The following TASOR variants were observed in gnomAD, a reference collection of about 807,000 sequenced individuals.
TASOR encodes the protein transcription activation suppressor, also known as protein TASOR.
Under a neutral mutation model 178.6 loss-of-function variants are expected in TASOR, and 53 were observed. That is an observed-to-expected ratio of 0.30 (90% CI 0.24 to 0.37). TASOR has a LOEUF of 0.37. Among genes scored for constraint, TASOR ranks in the 10% least tolerant of loss-of-function variants. The pLI is 1.00. For missense variants in TASOR, 1,815 were observed against 1,971.4 expected (o/e 0.92, Z 1.50); for synonymous variants, 713 against 696.2 (o/e 1.02, Z -0.38).
At chr3:56,669,882 C>T in intron 4 of TASOR, 91 bp from the exon 5 acceptor site, 1 of 1,012,346 alleles carries the variant, frequency 9.9e-7, no homozygotes, top group African/African-American at 1.6e-5. Flanking sequence ...TATCCTTCAT[C>T]AATTTGAGGT....
intron 17 of TASOR, 54 bp downstream of exon 17, chr3:56,638,652 T>C: frequency 1.3e-6 from 2 of 1,587,352 alleles, no homozygotes; most frequent in Non-Finnish European, 1.7e-6. Flanking sequence ...GAAATGCAAG[T>C]AGCAACTCTG....
intron 18 of TASOR, among the ~76,000 whole-genome samples, chr3:56,631,588 T>TG (rs2076915318): frequency 8.4e-6 from 1 of 119,536 alleles, no homozygotes; most frequent in South Asian, 2.7e-4. Context: ...TTTTTTGTTT[T>TG]TTTTTTTTTT....
chr3:56,642,208 A>G (rs1382460254), intron 14 of TASOR, among the ~76,000 whole-genome samples: 1 of 152,172 alleles, frequency 6.6e-6, no homozygotes, highest in African/African-American at 2.4e-5. Context: ...ATTGGCTGAC[A>G]CACTTAAAAT....
At chr3:56,626,798 C>T (rs867928368) in intron 21 of TASOR, among the ~76,000 whole-genome samples, 1 of 152,056 alleles carries the variant, frequency 6.6e-6, no homozygotes, top group African/African-American at 2.4e-5. Flanking sequence ...ACTCTAAATC[C>T]ACAAATGGCA....
rs368854182 is a variant in TASOR at position 56,621,841 on chromosome 3, G to T, written c.*1196C>A. 2 of 247,482 alleles carry T rather than the reference G, an allele frequency of 8.1e-6. No homozygotes were observed. Among genetic ancestry groups the T allele is most frequent in the African/African-American group, 4.8e-5 (2 of 42,084 alleles). The allele number at this position is 247,482 out of a possible 1,614,324, so 15.3% of individuals were successfully genotyped here. ...AGTAAAAAAAAAAAAAAAAAAACCGGTTCTTCTGCTCTGTCACCACCTGGG... is the reference window on the plus strand; with the variant it reads ...AGTAAAAAAAAAAAAAAAAAAACCGTTTCTTCTGCTCTGTCACCACCTGGG... On this transcript the variant is annotated 3_prime_UTR_variant, in exon 24 of 24. Transcript: ENST00000683822.
Position 56,670,097 on chromosome 3 carries a change from T to C in TASOR, c.619A>G (p.Thr207Ala). ...KGLHVGQSKI[T>A]ILGSPSMGVY... ...CCCATGGAAGGACTGCCAAGAATTG[T>C]TATTTTGGACTGACCCACATGTAAT... Residue 207 changes from threonine (T) to alanine (A), a missense_variant, in exon 4 of 24, where the codon ACA becomes GCA. Transcript: ENST00000683822. The C allele has an allele frequency of 6.5e-7, 1 of 1,540,368 alleles. No individual in the cohort carries two copies. The highest frequency in any genetic ancestry group is 2.5e-5 in the East Asian group (1 of 40,666).
At chr3:56,626,979 TA>T in intron 21 of TASOR, 57 bp downstream of exon 21, 2 of 1,037,850 alleles carry the variant, frequency 1.9e-6, no homozygotes, top group Non-Finnish European at 2.9e-6. Context: ...AAGAGAGAAA[TA>T]TTATGAGTAC....
intron 17 of TASOR, among the ~76,000 whole-genome samples, chr3:56,636,441 T>G (rs1188021703): frequency 6.6e-6 from 1 of 151,860 alleles, no homozygotes; most frequent in Non-Finnish European, 1.5e-5. Context: ...AGACTCGCTC[T>G]GCCACCAGGC....
intron 11 of TASOR, among the ~76,000 whole-genome samples, chr3:56,655,256 TTC>T (rs764389020): frequency 1.3e-5 from 2 of 152,196 alleles, no homozygotes; most frequent in Non-Finnish European, 1.5e-5. Flanking sequence ...TTTATTCAAC[TTC>T]TTAGTACAGA....
chr3:56,631,384 G>C (rs1021000126), intron 18 of TASOR, among the ~76,000 whole-genome samples: 1 of 152,076 alleles, frequency 6.6e-6, no homozygotes, highest in African/African-American at 2.4e-5. Flanking sequence ...ATAAATGAGA[G>C]CAGGCATTTA....
chr3:56,669,968 A>C, intron 4 of TASOR, 105 bp downstream of exon 4: 1 of 933,394 alleles, frequency 1.1e-6, no homozygotes, highest in Non-Finnish European at 1.6e-6. Flanking sequence ...CTGGGAACAT[A>C]ATAAAGCATG....
In TASOR at chr3:56,627,080, T is replaced by C; in HGVS notation, c.4096A>G (p.Lys1366Glu). The part of the protein sequence containing the change: ...LSTPEGKWQW[K>E]VHCKFQKKLK... ...TTCTTCTGAAATTTACAGTGGACTTTCCATTGCCATTTTCCTTCTGGAGTA... is the reference window on the plus strand; with the variant it reads ...TTCTTCTGAAATTTACAGTGGACTTCCCATTGCCATTTTCCTTCTGGAGTA... Residue 1366 changes from lysine (K) to glutamate (E), a missense_variant, in exon 21 of 24, where the codon AAA (lysine) becomes GAA (glutamate). Physicochemically the swap from Lys to Glu is moderately conservative, Grantham distance 56 (BLOSUM62 1). Around this residue, in one of 5 missense-constraint regions of TASOR, gnomAD observed 134 missense variants for 195.2 expected, o/e 0.69. Coordinates refer to ENST00000683822, the MANE Select transcript of TASOR (RefSeq NM_001365635.2). 6.2e-7 allele frequency: 1 copy of C among 1,613,084 alleles called. No individual in the cohort carries two copies. The highest frequency in any genetic ancestry group is 8.5e-7 in the Non-Finnish European group (1 of 1,179,464).
rs1278299436 is a variant in TASOR, at chr3:56,653,276, AAAAAAAAAAAAAAG to A, written c.1369-4233_1369-4220del. 3.4e-3 allele frequency among the ~76,000 whole-genome samples: 454 copies of A among 134,532 alleles called. 35 individuals carry two copies. The highest frequency in any genetic ancestry group is 0.013 in the African/African-American group (422 of 32,258). 88.3% of individuals were successfully genotyped at this position (134,532 alleles called of 152,430 possible). ...AGACTCCATCTCAAAAAAAAAAAAAAAAAAAAAAAAAAAGAAAAGACAAGCTAAAGAAAATGAGG... is the reference window on the plus strand; with the variant it reads ...AGACTCCATCTCAAAAAAAAAAAAAAAAAAGACAAGCTAAAGAAAATGAGG... On this transcript the variant is annotated intron_variant, in intron 11 of 23. Transcript: ENST00000683822.
intron 17 of TASOR, among the ~76,000 whole-genome samples, chr3:56,636,293 G>GA (rs34785628): frequency 0.23 from 32,855 of 145,882 alleles, 4,008 homozygotes; most frequent in South Asian, 0.42. Flanking sequence ...AAAAAAAATA[G>GA]AAAAAAAAAA....
rs777954256 is a variant in TASOR, at chr3:56,647,114, T to A, written c.1623A>T (p.Glu541Asp). 1 of 1,607,776 alleles carries A rather than the reference T, an allele frequency of 6.2e-7. No individual in the cohort carries two copies. The highest frequency in any genetic ancestry group is 8.5e-7 in the Non-Finnish European group (1 of 1,178,628). ...AATTTATGGCGCTTATATTTTTGAA[T>A]TCCTTTCGACACTGAATCAAAGAAA... The part of the protein sequence containing the change: ...LQFSLIQCRK[E>D]FKNISAINFH... The change falls in exon 14 of 24, where the codon GAA becomes GAT. Residue 541 changes from glutamate to aspartate, a missense_variant. By Grantham distance (45) the Glu-to-Asp change is conservative. This residue lies in a region of TASOR where 504 missense variants were observed against 645.3 expected (regional missense o/e 0.78). Coordinates refer to ENST00000683822, the MANE Select transcript of TASOR (RefSeq NM_001365635.2).
At chr3:56,673,882 A>G (rs969377254) in intron 1 of TASOR, among the ~76,000 whole-genome samples, 157 bp from the exon 2 acceptor site, 16 of 130,686 alleles carry the variant, frequency 1.2e-4, no homozygotes, top group African/African-American at 4.7e-4. Flanking sequence ...TTATTAACTC[A>G]TTGAAAAAAA....
At position 56,633,855 on chromosome 3, in the gene TASOR, G is replaced by A; in HGVS notation, c.2936C>T (p.Ser979Phe). 6.2e-7 allele frequency: 1 copy of A among 1,613,438 alleles called. No individual in the cohort carries two copies. The highest frequency in any genetic ancestry group is 8.5e-7 in the Non-Finnish European group (1 of 1,179,662). The change falls in exon 18 of 24, where the codon TCT (serine) becomes TTT (phenylalanine). Residue 979 changes from serine (S) to phenylalanine (F), a missense_variant. Coordinates refer to ENST00000683822, the MANE Select transcript of TASOR (RefSeq NM_001365635.2). ...QRSSDYQFPS[S>F]PFTDTLKGTT... is the part of the protein sequence containing the mutation. ...GCCCTTTAGTGTGTCTGTAAATGGA[G>A]AGGATGGAAACTGGTAATCAGAACT... is the stretch of plus-strand genomic sequence containing the variant.
intron 18 of TASOR, among the ~76,000 whole-genome samples, chr3:56,630,962 C>G (rs2076900047): frequency 6.6e-6 from 1 of 151,950 alleles, no homozygotes; most frequent in South Asian, 2.1e-4. Context: ...TGGAGTTATG[C>G]TAAGCACACC....
rs955892928 is a variant in TASOR at position 56,626,175 on chromosome 3, T to C, written c.4139+862A>G. 9.2e-5 allele frequency among the ~76,000 whole-genome samples: 14 copies of C among 152,340 alleles called. No homozygotes were observed. The South Asian group carries it at 1.7e-3, about 18-fold the overall frequency. ...ATGTGTAAATACATTTTATAGACTT[T>C]ACTAGTAGAATATAGTGTCCCAAAC... On this transcript the variant is annotated intron_variant, in intron 21 of 23. Coordinates refer to ENST00000683822, the MANE Select transcript of TASOR (RefSeq NM_001365635.2).
Sources: gnomAD v4.1 joint callset for allele counts (sites outside exome capture counted in the v4.1 genomes callset) on GRCh38, gnomAD v4.1.1 for gene constraint, gnomAD v4.1.1 regional missense constraint, MANE v1.5 for transcripts, NCBI Gene and HGNC (gene_info 2026-07-23, HGNC 2026-07-21) for gene names.